The following CRISPLD1 variants were observed in gnomAD, a reference collection of about 807,000 sequenced individuals.
CRISPLD1 encodes the protein cysteine rich secretory protein LCCL domain containing 1.
CRISPLD1 carries 60 observed loss-of-function variants against 77.5 expected under a neutral mutation model. That is an observed-to-expected ratio of 0.77 (90% CI 0.63 to 0.96). The LOEUF (loss-of-function observed/expected upper bound fraction) is 0.96. Among genes scored for constraint, CRISPLD1 ranks in the 40% least tolerant of loss-of-function variants. The pLI is 0.00. For synonymous variants in CRISPLD1, 195 were observed against 200.1 expected, an observed-to-expected ratio of 0.97 and a Z score of 0.22; for missense variants, 623 against 615.8, an observed-to-expected ratio of 1.01 and a Z score of -0.12.
rs750130014 is a variant in CRISPLD1 at position 75,008,099 on chromosome 8, A to G, written c.259-4334A>G. Among the ~76,000 whole-genome samples, 5 of 152,206 alleles carry G rather than the reference A, an allele frequency of 3.3e-5. No individual in the cohort carries two copies. In the South Asian group the frequency reaches 6.2e-4, roughly 19 times the overall value. ...ATATCATTGGAGACAAAGAATGTCAATAGTATTCTAAATATTTCCTTAAGT... is the reference window on the plus strand; with the variant it reads ...ATATCATTGGAGACAAAGAATGTCAGTAGTATTCTAAATATTTCCTTAAGT... On this transcript the variant is annotated intron_variant, in intron 2 of 14. Coordinates refer to ENST00000262207, the MANE Select transcript of CRISPLD1 (RefSeq NM_031461.6).
intron 12 of CRISPLD1, among the ~76,000 whole-genome samples, chr8:75,022,062 A>C (rs1268073114): frequency 6.6e-6 from 1 of 152,224 alleles, no homozygotes; most frequent in African/African-American, 2.4e-5. Flanking sequence ...CAAGTAAAGC[A>C]TTAATAAACA....
In CRISPLD1 at chr8:75,010,825, G is replaced by A. The variant is rs1013791563; in HGVS notation, c.259-1608G>A. Among the ~76,000 whole-genome samples the A allele has an allele frequency of 4.6e-5, 7 of 151,556 alleles. No homozygotes were observed. The East Asian group carries it at 5.8e-4, about 13-fold the overall frequency. On this transcript the variant is annotated intron_variant, in intron 2 of 14. Coordinates refer to ENST00000262207, the MANE Select transcript of CRISPLD1 (RefSeq NM_031461.6). ...TCTTCTCATTCTATATAATATTCCC[G>A]AATAAATTTATCTCTGGGTGAATAA...
At chr8:75,026,678 A>G (rs1461973243) in intron 13 of CRISPLD1, 1 of 152,218 alleles carries the variant, frequency 6.6e-6, no homozygotes, top group Non-Finnish European at 1.5e-5. Flanking sequence ...AAATTTAGGA[A>G]ATGTCTTATG....
chr8:75,016,832 C>A, intron 7 of CRISPLD1, 49 bp from the exon 8 acceptor site: 2 of 1,522,276 alleles, frequency 1.3e-6, no homozygotes, highest in South Asian at 1.2e-5. Context: ...TAATGAACTA[C>A]AACTGCTTTT....
chr8:74,989,085 C>T (rs966081423), intron 2 of CRISPLD1, among the ~76,000 whole-genome samples: 3 of 151,794 alleles, frequency 2.0e-5, no homozygotes, highest in Admixed American at 1.3e-4. Context: ...GAATCGTAGG[C>T]AAGAGTTGGG....
chr8:75,004,869 T>C (rs1476425587), intron 2 of CRISPLD1, among the ~76,000 whole-genome samples: 3 of 150,266 alleles, frequency 2.0e-5, no homozygotes, highest in Admixed American at 6.6e-5. Context: ...CTGTGCTTTA[T>C]TTAAATGTTT....
rs558625615 is a variant in CRISPLD1 at position 75,011,949 on chromosome 8, G to C, written c.259-484G>C. On this transcript the variant is annotated intron_variant, in intron 2 of 14. Transcript: ENST00000262207. ...TCCTAAAGGGATAGCTTACATCTAA[G>C]AGAATTGATACGATGTCACAGAAAA... Among the ~76,000 whole-genome samples the C allele has an allele frequency of 2.6e-5, 4 of 152,288 alleles. No homozygotes were observed. In the South Asian group the frequency reaches 8.3e-4, roughly 32 times the overall value.
chr8:75,032,206 A>C lies in CRISPLD1; in HGVS notation c.1467A>C (p.Pro489=). ...TTTTTTGCAGTTTACAGAATCCTCC[A>C]GGAGGAAAGGCATTCAGAGTGTTTG... ...GIFSESLQNP[P]GGKAFRVFAV... The change falls in exon 15 of 15, where the codon CCA becomes CCC. Residue 489 remains proline (P), a synonymous_variant. Coordinates refer to ENST00000262207, the MANE Select transcript of CRISPLD1 (RefSeq NM_031461.6). 1.2e-6 allele frequency: 2 copies of C among 1,607,398 alleles called. No individual in the cohort carries two copies. The highest frequency in any genetic ancestry group is 2.2e-5 in the South Asian group (2 of 90,168).
intron 2 of CRISPLD1, among the ~76,000 whole-genome samples, chr8:74,994,059 TCTTA>T (rs887733126): frequency 1.2e-4 from 18 of 152,210 alleles, no homozygotes; most frequent in African/African-American, 4.1e-4. Flanking sequence ...AATAGCATGA[TCTTA>T]CTTACAATTA....
Position 75,014,796 on chromosome 8 carries a change from G to A in CRISPLD1, c.627-16G>A, listed in dbSNP as rs748356641. On this transcript the variant is annotated splice_polypyrimidine_tract_variant and intron_variant, in intron 5 of 14. Coordinates refer to ENST00000262207, the MANE Select transcript of CRISPLD1 (RefSeq NM_031461.6). ...CCATTAGACTACTTTTTAATAGAGC[G>A]TATCATCTCTTAAAGGGGAAACTGG... 6.5e-5 allele frequency: 102 copies of A among 1,557,254 alleles called. No individual in the cohort carries two copies. The highest frequency in any genetic ancestry group is 2.1e-4 in the Admixed American group (12 of 57,178).
At position 75,025,626 on chromosome 8, in the gene CRISPLD1, G is replaced by A. The variant is rs1813220271; in HGVS notation, c.1320+5G>A. On this transcript the variant is annotated splice_donor_5th_base_variant and intron_variant, in intron 13 of 14. Coordinates refer to ENST00000262207, the MANE Select transcript of CRISPLD1 (RefSeq NM_031461.6). Reference sequence around the variant, plus strand: ...GGAACTCGAGTTTATTCTGATGTAAGTATCCTAATTTATACAGCTGTCAAC... The same window carrying A: ...GGAACTCGAGTTTATTCTGATGTAAATATCCTAATTTATACAGCTGTCAAC... 1.3e-6 allele frequency: 2 copies of A among 1,494,956 alleles called. No individual in the cohort carries two copies. Among genetic ancestry groups the A allele is most frequent in the East Asian group, 2.3e-5 (1 of 43,854 alleles). 92.6% of individuals were successfully genotyped at this position (1,494,956 alleles called of 1,614,324 possible).
Position 74,992,926 on chromosome 8 carries a change from T to TC in CRISPLD1, c.258+6683dup, listed in dbSNP as rs1812595440. Among the ~76,000 whole-genome samples, 3 of 150,334 alleles carry TC rather than the reference T, an allele frequency of 2.0e-5. No homozygotes were observed. The South Asian group carries it at 6.4e-4, about 32-fold the overall frequency. On this transcript the variant is annotated intron_variant, in intron 2 of 14. Coordinates refer to ENST00000262207, the MANE Select transcript of CRISPLD1 (RefSeq NM_031461.6). ...TATGGTTTTTTTTTTTTTTTTTTTT[T>TC]CCTTCTGTGCTTCAGTATAGAAGAT...
rs1178454369 is a variant in CRISPLD1, at chr8:74,996,709, CTTT to C, written c.258+10489_258+10491del. On this transcript the variant is annotated intron_variant, in intron 2 of 14. Coordinates refer to ENST00000262207, the MANE Select transcript of CRISPLD1 (RefSeq NM_031461.6). The stretch of plus-strand genomic sequence containing the variant: ...TAGACATACCAGCATGAGCCAGAAT[CTTT>C]TTTTTTTTTTTTTTTTTTTTTTTTG... Among the ~76,000 whole-genome samples the C allele has an allele frequency of 7.5e-3, 549 of 73,292 alleles. 4 individuals are homozygous for C. The highest frequency in any genetic ancestry group is 0.031 in the African/African-American group (507 of 16,416). 48.1% of individuals were successfully genotyped at this position (73,292 alleles called of 152,430 possible). A position where few individuals can be genotyped will look rare whatever the true frequency, so the allele number is the denominator to read the frequency against.
Position 75,032,417 on chromosome 8 carries a change from G to T in CRISPLD1, c.*175G>T. On this transcript the variant is annotated 3_prime_UTR_variant, in exon 15 of 15. Coordinates refer to ENST00000262207, the MANE Select transcript of CRISPLD1 (RefSeq NM_031461.6). ...CTATAAAATAAAACATGGGACATTA[G>T]CTTTGGGAAAAGTAATGAAAATATA... 1 of 429,962 alleles carries T rather than the reference G, an allele frequency of 2.3e-6. No homozygotes were observed. Among genetic ancestry groups the T allele is most frequent in the South Asian group, 7.1e-5 (1 of 14,166 alleles). The allele number at this position is 429,962 out of a possible 1,614,324, so 26.6% of individuals were successfully genotyped here. A position where few individuals can be genotyped will look rare whatever the true frequency, so the allele number is the denominator to read the frequency against.
chr8:75,004,207 T>G (rs1298019453), intron 2 of CRISPLD1, among the ~76,000 whole-genome samples: 2 of 152,208 alleles, frequency 1.3e-5, no homozygotes, highest in African/African-American at 4.8e-5. Context: ...CACTGTGCCC[T>G]GTAACACAAG....
chr8:75,012,665 C>T (rs1291687035), intron 3 of CRISPLD1, 114 bp downstream of exon 3: 24 of 845,010 alleles, frequency 2.8e-5, no homozygotes, highest in Admixed American at 4.8e-5. Flanking sequence ...AAAGTAATCA[C>T]GAAACAAGTA....
At chr8:74,988,125 A>G (rs1812522528) in intron 2 of CRISPLD1, among the ~76,000 whole-genome samples, 2 of 152,232 alleles carry the variant, frequency 1.3e-5, no homozygotes, top group African/African-American at 4.8e-5. Flanking sequence ...CAACTGTAAT[A>G]CACATTTTCT....
At chr8:75,023,330 A>G (rs2128787832) in intron 12 of CRISPLD1, among the ~76,000 whole-genome samples, 1 of 152,338 alleles carries the variant, frequency 6.6e-6, no homozygotes, top group East Asian at 1.9e-4. Context: ...CATAAGGATG[A>G]CGGTGAATGC....
chr8:75,023,221 ACT>A (rs1813170151), intron 12 of CRISPLD1, among the ~76,000 whole-genome samples: 2 of 152,208 alleles, frequency 1.3e-5, no homozygotes, highest in African/African-American at 4.8e-5. Flanking sequence ...GTAGAAACTA[ACT>A]CAACTTGGAC....
Sources: gnomAD v4.1 joint callset for allele counts (sites outside exome capture counted in the v4.1 genomes callset) on GRCh38, gnomAD v4.1.1 for gene constraint, MANE v1.5 for transcripts, NCBI Gene and HGNC (gene_info 2026-07-23, HGNC 2026-07-21) for gene names.